TYW3: variants seen among roughly 807,000 people sequenced by gnomAD.
The protein encoded by TYW3 is tRNA wybutosine-synthesizing protein 3 homolog.
A neutral mutation model predicts 23.1 loss-of-function variants in TYW3; 26 were observed. The ratio of observed to expected loss-of-function variants is 1.13; its 90% CI spans 0.83 to 1.56. TYW3 has a LOEUF of 1.56. Ranked by LOEUF, TYW3 falls within the 40% of genes most tolerant of loss-of-function variation. The probability of loss-of-function intolerance (pLI) is 0.00; values close to 1 mark genes in which losing one functional copy is unlikely to be tolerated. For missense variants in TYW3, 316 were observed against 311.9 expected, an observed-to-expected ratio of 1.01 and a Z score of -0.10; for synonymous variants, 102 against 105.7, an observed-to-expected ratio of 0.97 and a Z score of 0.21.
chr1:74,745,335 C>T (rs1007132908), intron 3 of TYW3, among the ~76,000 whole-genome samples: 11 of 152,302 alleles, frequency 7.2e-5, no homozygotes, highest in Admixed American at 3.9e-4. Context: ...CCTTATTTGG[C>T]CCCACCCACA....
chr1:74,736,551 G>T lies in TYW3; in HGVS notation c.184G>T (p.Gly62Cys), dbSNP rs1648160522. Reference sequence around the variant, plus strand: ...TTATTTTTTATTTTAGGGTATAAATGGTTTTGAGGTTCAGAAACAAAACTG... The same window carrying T: ...TTATTTTTTATTTTAGGGTATAAATTGTTTTGAGGTTCAGAAACAAAACTG... ...RILLLDRGINGFEVQKQNCCW... is the reference protein window; with the variant it reads ...RILLLDRGINCFEVQKQNCCW... The change falls in exon 2 of 6, where the codon GGT (glycine) becomes TGT (cysteine). Residue 62 changes from glycine to cysteine, a missense_variant. Coordinates refer to ENST00000370867, the MANE Select transcript of TYW3 (RefSeq NM_138467.3). The T allele has an allele frequency of 3.1e-6, 5 of 1,594,490 alleles. No individual in the cohort carries two copies. Among genetic ancestry groups the T allele is most frequent in the Middle Eastern group, 3.4e-4 (2 of 5,970 alleles).
intron 2 of TYW3, among the ~76,000 whole-genome samples, chr1:74,736,918 C>T (rs1648175527): frequency 6.6e-6 from 1 of 152,204 alleles, no homozygotes; most frequent in African/African-American, 2.4e-5. Context: ...TATTTGAAAA[C>T]CCTGTAACCT....
At chr1:74,754,355 G>A (rs376446097) in intron 5 of TYW3, among the ~76,000 whole-genome samples, 2 of 152,136 alleles carry the variant, frequency 1.3e-5, no homozygotes, top group South Asian at 2.1e-4. Context: ...TAAGAGCCAC[G>A]CTTATCATAT....
At chr1:74,758,390 T>G (rs794394) in intron 5 of TYW3, among the ~76,000 whole-genome samples, 7 of 152,268 alleles carry the variant, frequency 4.6e-5, no homozygotes, top group Non-Finnish European at 8.8e-5. Flanking sequence ...AGCCGTTTTC[T>G]TGGTTCCAAT....
intron 3 of TYW3, 104 bp from the exon 4 acceptor site, chr1:74,748,647 C>G: frequency 8.2e-7 from 1 of 1,223,966 alleles, no homozygotes; most frequent in Non-Finnish European, 1.2e-6. Context: ...TTTTAAAAAC[C>G]TTAATAGCTT....
chr1:74,765,645 A>AG lies in TYW3; in HGVS notation c.*1532_*1533insG, dbSNP rs1649281150. 3 of 152,180 alleles carry AG rather than the reference A, an allele frequency of 2.0e-5. No homozygotes were observed. The highest frequency in any genetic ancestry group is 2.0e-4 in the Admixed American group (3 of 15,252). 9.4% of individuals were successfully genotyped at this position (152,180 alleles called of 1,614,324 possible). A position where few individuals can be genotyped will look rare whatever the true frequency, so the allele number is the denominator to read the frequency against. On this transcript the variant is annotated 3_prime_UTR_variant, in exon 6 of 6. Transcript: ENST00000370867. ...AAGAGAAGATAAATGAATAAAAAAA[A>AG]AAGTTATAAATAACAGTAGGAAAGA... is the stretch of plus-strand genomic sequence containing the variant.
At chr1:74,747,586 G>A (rs1175011356) in intron 3 of TYW3, among the ~76,000 whole-genome samples, 1 of 147,232 alleles carries the variant, frequency 6.8e-6, no homozygotes, top group South Asian at 2.1e-4. Context: ...GCTGTGAGCC[G>A]AGATCCCGCC....
At chr1:74,736,745 AC>A (rs1345702348) in intron 2 of TYW3, 123 bp downstream of exon 2, 18 of 731,026 alleles carry the variant, frequency 2.5e-5, no homozygotes, top group African/African-American at 2.0e-4. Flanking sequence ...AGATTATAAA[AC>A]CTAGAGAGCT....
At chr1:74,763,247 G>A (rs1649187209) in intron 5 of TYW3, among the ~76,000 whole-genome samples, 1 of 151,976 alleles carries the variant, frequency 6.6e-6, no homozygotes, top group Non-Finnish European at 1.5e-5. Context: ...ATTTCTAGGT[G>A]TCTATATAAA....
At chr1:74,744,584 A>G (rs1648487465) in intron 3 of TYW3, among the ~76,000 whole-genome samples, 2 of 152,194 alleles carry the variant, frequency 1.3e-5, no homozygotes, top group Non-Finnish European at 2.9e-5. Flanking sequence ...CCACTTGGCA[A>G]TAGGCGATTG....
chr1:74,738,486 C>T (rs1020353542), intron 2 of TYW3, among the ~76,000 whole-genome samples: 3 of 152,038 alleles, frequency 2.0e-5, no homozygotes, highest in Admixed American at 6.6e-5. Flanking sequence ...AGAAGATTTA[C>T]GGGAGAACTA....
At chr1:74,750,390 C>T (rs955184710) in intron 4 of TYW3, 67 of 152,048 alleles carry the variant, frequency 4.4e-4, no homozygotes, top group African/African-American at 1.6e-3. Context: ...ATGGTGAAAC[C>T]CCATCTCTAC....
At position 74,735,737 on chromosome 1, in the gene TYW3, G is replaced by A. The variant is rs113082438; in HGVS notation, c.175-805G>A. 7.7e-3 allele frequency among the ~76,000 whole-genome samples: 1,177 copies of A among 152,238 alleles called. 20 individuals carry two copies. The highest frequency in any genetic ancestry group is 0.027 in the African/African-American group (1,104 of 41,532). On this transcript the variant is annotated intron_variant, in intron 1 of 5. Coordinates refer to ENST00000370867, the MANE Select transcript of TYW3 (RefSeq NM_138467.3). The stretch of plus-strand genomic sequence containing the variant: ...GTCAGATACGTAAGTCACCATCACC[G>A]AAGTCATACAATGAAGTCAAAATAT...
chr1:74,746,772 C>A (rs749237772), intron 3 of TYW3, among the ~76,000 whole-genome samples: 1 of 152,068 alleles, frequency 6.6e-6, no homozygotes, highest in South Asian at 2.1e-4. Context: ...GGCCTTTATT[C>A]GAAGGTTGCA....
At chr1:74,758,964 A>G (rs1247249470) in intron 5 of TYW3, among the ~76,000 whole-genome samples, 1 of 152,222 alleles carries the variant, frequency 6.6e-6, no homozygotes, top group African/African-American at 2.4e-5. Context: ...GAAAGTTAAC[A>G]CATTATATTG....
chr1:74,753,339 C>A (rs1648852732), intron 5 of TYW3, among the ~76,000 whole-genome samples: 2 of 152,208 alleles, frequency 1.3e-5, no homozygotes, highest in Non-Finnish European at 2.9e-5. Context: ...TCTGGTATGC[C>A]TCTCTGCTAA....
chr1:74,758,336 C>G (rs1372489728), intron 5 of TYW3, among the ~76,000 whole-genome samples: 4 of 152,216 alleles, frequency 2.6e-5, no homozygotes, highest in Non-Finnish European at 5.9e-5. Flanking sequence ...AAATCTCTCA[C>G]CAGCTTTTCC....
Position 74,752,277 on chromosome 1 carries a change from GT to G in TYW3, c.427-9del, listed in dbSNP as rs756523813. ...GTATCTAAGTCTTCATATCTAAATT[GT>G]TTTTTCCTTGTAGGCTGTCCGGAGT... On this transcript the variant is annotated splice_polypyrimidine_tract_variant and intron_variant, in intron 4 of 5. Transcript: ENST00000370867. 54 of 1,581,452 alleles carry G rather than the reference GT, an allele frequency of 3.4e-5. No individual in the cohort carries two copies. Among genetic ancestry groups the G allele is most frequent in the Non-Finnish European group, 4.2e-5 (49 of 1,165,712 alleles).
chr1:74,756,028 C>G lies in TYW3; in HGVS notation c.560+3603C>G, dbSNP rs191905683. ...AGTCGCCCTGCACAAGTTCTCTTCA[C>G]TTGCCTGCTGCCATGTGAGACATGC... On this transcript the variant is annotated intron_variant, in intron 5 of 5. Coordinates refer to ENST00000370867, the MANE Select transcript of TYW3 (RefSeq NM_138467.3). Among the ~76,000 whole-genome samples, 7 of 152,334 alleles carry G rather than the reference C, an allele frequency of 4.6e-5. No homozygotes were observed. In the East Asian group the frequency reaches 9.7e-4, roughly 21 times the overall value.
Sources: gnomAD v4.1 joint callset for allele counts (sites outside exome capture counted in the v4.1 genomes callset) on GRCh38, gnomAD v4.1.1 for gene constraint, MANE v1.5 for transcripts, NCBI Gene and HGNC (gene_info 2026-07-23, HGNC 2026-07-21) for gene names.